UBE4A: variants seen among roughly 807,000 people sequenced by gnomAD.
The protein encoded by UBE4A is ubiquitin conjugation factor E4 A.
UBE4A carries 48 observed loss-of-function variants against 117.9 expected under a neutral mutation model. The observed-to-expected ratio is 0.41, with a 90% CI of 0.32 to 0.52. UBE4A has a LOEUF of 0.52. Ranked by LOEUF, UBE4A falls within the 20% of genes least tolerant of loss-of-function variation. UBE4A has a pLI of 0.33. For synonymous variants in UBE4A, 407 were observed against 450.0 expected (o/e 0.90, Z 1.21); for missense variants, 1,067 against 1,296.3 (o/e 0.82, Z 2.72).
intron 10 of UBE4A, 28 bp from the exon 11 acceptor site, chr11:118,379,418 C>A: frequency 6.3e-7 from 1 of 1,599,008 alleles, no homozygotes; most frequent in South Asian, 1.1e-5. Context: ...TTTCCCTGAC[C>A]CAGTCTCTTC....
rs370025001 is a variant in UBE4A at position 118,384,947 on chromosome 11, TA to T, written c.2412+23del. 0.19 allele frequency: 203,050 copies of T among 1,056,106 alleles called. 244 individuals carry two copies. Among genetic ancestry groups the T allele is most frequent in the Middle Eastern group, 0.23 (897 of 3,976 alleles). The allele number at this position is 1,056,106 out of a possible 1,614,324, so 65.4% of individuals were successfully genotyped here. ...TTCCTTTTGGATGAAGCCATACAGG[TA>T]AAAAAAAAAAAAAAAAAAAAGATTT... On this transcript the variant is annotated splice_donor_region_variant and intron_variant, in intron 15 of 19. Transcript: ENST00000252108.
In UBE4A at chr11:118,373,229, C is replaced by T. The variant is rs1392453974; in HGVS notation, c.865C>T (p.Leu289Phe). 1 of 1,613,632 alleles carries T rather than the reference C, an allele frequency of 6.2e-7. No homozygotes were observed. The highest frequency in any genetic ancestry group is 1.7e-5 in the Admixed American group (1 of 60,008). Residue 289 changes from leucine (L) to phenylalanine (F), a missense_variant, in exon 7 of 20, where the codon CTT becomes TTT. Around this residue, in one of 3 missense-constraint regions of UBE4A, gnomAD observed 1,001 missense variants for 1,184.0 expected, o/e 0.85. Transcript: ENST00000252108. ...AAAAGATCTAGAGCTCTGTCAGATC[C>T]TTTTGTATGCATATCTGGATATTCT... ...RIKDLELCQILLYAYLDILLY... is the reference protein window; with the variant it reads ...RIKDLELCQIFLYAYLDILLY...
intron 6 of UBE4A, 127 bp from the exon 7 acceptor site, chr11:118,372,959 G>T: frequency 5.3e-6 from 5 of 943,308 alleles, no homozygotes; most frequent in Non-Finnish European, 6.2e-6. Flanking sequence ...ACTCCAGGCT[G>T]AGCAAAAAAA....
intron 1 of UBE4A, among the ~76,000 whole-genome samples, chr11:118,361,937 G>C (rs543556881): frequency 6.6e-6 from 1 of 152,302 alleles, no homozygotes; most frequent in African/African-American, 2.4e-5. Flanking sequence ...AATCAGAAGA[G>C]CTTACAGCCT....
chr11:118,392,907 C>A lies in UBE4A; in HGVS notation c.3074+12C>A. On this transcript the variant is annotated intron_variant, in intron 19 of 19. Transcript: ENST00000252108. The stretch of plus-strand genomic sequence containing the variant: ...AGACATTTGCTCAGGTAGGCCAGTC[C>A]CAAAAACAGACTCAAGAGCATATAT... 6.2e-7 allele frequency: 1 copy of A among 1,610,704 alleles called. No homozygotes were observed. Among genetic ancestry groups the A allele is most frequent in the South Asian group, 1.1e-5 (1 of 90,544 alleles).
At chr11:118,395,026 T>C (rs183618657) in intron 19 of UBE4A, among the ~76,000 whole-genome samples, 112 of 152,192 alleles carry the variant, frequency 7.4e-4, no homozygotes, top group African/African-American at 2.7e-3. Context: ...AATTTTTAAA[T>C]ATTAAAAAGA....
Position 118,379,559 on chromosome 11 carries a change from A to G in UBE4A, c.1685A>G (p.Glu562Gly), listed in dbSNP as rs782329810. ...PAADNLREQF[E>G]RLMTIYLSTK... The stretch of plus-strand genomic sequence containing the variant: ...GCTGACAATCTTCGTGAGCAGTTTG[A>G]ACGACTGATGACCATCTATCTTTCT... The change falls in exon 11 of 20, where the codon GAA becomes GGA. Residue 562 changes from glutamate to glycine, a missense_variant. Around this residue, in one of 3 missense-constraint regions of UBE4A, gnomAD observed 1,001 missense variants for 1,184.0 expected, o/e 0.85. Coordinates refer to ENST00000252108, the MANE Select transcript of UBE4A (RefSeq NM_001204077.2). The G allele has an allele frequency of 6.2e-7, 1 of 1,614,242 alleles. No homozygotes were observed. Among genetic ancestry groups the G allele is most frequent in the South Asian group, 1.1e-5 (1 of 91,086 alleles).
chr11:118,394,417 C>T (rs1300369820), intron 19 of UBE4A, among the ~76,000 whole-genome samples: 6 of 152,194 alleles, frequency 3.9e-5, no homozygotes, highest in African/African-American at 1.4e-4. Context: ...TCACATCAGC[C>T]TCCCAAAGTG....
rs1331544731 is a variant in UBE4A, at chr11:118,386,593, C to T, written c.2568C>T (p.Thr856=). 4 of 1,575,786 alleles carry T rather than the reference C, an allele frequency of 2.5e-6. No individual in the cohort carries two copies. The highest frequency in any genetic ancestry group is 3.4e-6 in the Non-Finnish European group (4 of 1,165,740). The part of the protein sequence containing the change: ...HNIMSNETIG[T]LAFLTSEIKS... ...TCATGTCCAATGAAACAATCGGTAC[C>T]CTTGCCTTTCTCACATCAGGTAAGG... Residue 856 remains threonine, a synonymous_variant, in exon 16 of 20, where the codon ACC becomes ACT. Transcript: ENST00000252108.
In UBE4A at chr11:118,396,448, G is replaced by C; in HGVS notation, c.*8G>C. 1 of 1,610,898 alleles carries C rather than the reference G, an allele frequency of 6.2e-7. No individual in the cohort carries two copies. Among genetic ancestry groups the C allele is most frequent in the Non-Finnish European group, 8.5e-7 (1 of 1,178,500 alleles). ...AAGGAGCAACTTGAATAGATACTGT[G>C]AACTAACCAAACCAAAACCAACCCC... On this transcript the variant is annotated 3_prime_UTR_variant, in exon 20 of 20. Transcript: ENST00000252108.
intron 19 of UBE4A, 43 bp downstream of exon 19, chr11:118,392,938 T>C (rs1555128871): frequency 1.9e-6 from 3 of 1,580,238 alleles, no homozygotes; most frequent in East Asian, 2.3e-5. Flanking sequence ...TATATATATA[T>C]TAGTTTGCTA....
chr11:118,380,144 T>C (rs782401476), intron 11 of UBE4A, among the ~76,000 whole-genome samples: 13 of 88,948 alleles, frequency 1.5e-4, no homozygotes, highest in East Asian at 1.8e-3. Flanking sequence ...CGTGTGTGTG[T>C]GTGTGTGTGT....
intron 1 of UBE4A, among the ~76,000 whole-genome samples, chr11:118,361,562 AG>A (rs1436304680): frequency 2.0e-5 from 3 of 152,296 alleles, no homozygotes; most frequent in South Asian, 4.1e-4. Context: ...AATGAAAAAA[AG>A]TTTGTGCACA....
rs578130132 is a variant in UBE4A at position 118,398,842 on chromosome 11, A to G, written c.*2402A>G. ...AATGGATATGTGAAAACTGAAGGAA[A>G]TGTTAAAGGTTTTTTAATGGTGCAA... On this transcript the variant is annotated 3_prime_UTR_variant, in exon 20 of 20. Coordinates refer to ENST00000252108, the MANE Select transcript of UBE4A (RefSeq NM_001204077.2). The G allele has an allele frequency of 2.1e-3, 382 of 181,074 alleles. 10 individuals carry two copies. The South Asian group carries it at 0.031, about 15-fold the overall frequency. 11.2% of individuals were successfully genotyped at this position (181,074 alleles called of 1,614,324 possible).
intron 10 of UBE4A, among the ~76,000 whole-genome samples, chr11:118,379,205 A>C (rs1555125852): frequency 6.6e-6 from 1 of 152,228 alleles, no homozygotes; most frequent in African/African-American, 2.4e-5. Flanking sequence ...TGGATAGTGC[A>C]TTTCAACTGA....
chr11:118,372,449 A>G (rs997934768), intron 5 of UBE4A, 58 bp from the exon 6 acceptor site: 4 of 1,528,568 alleles, frequency 2.6e-6, no homozygotes, highest in African/African-American at 2.8e-5. Flanking sequence ...CACTATGTCT[A>G]CTTTCGTTCC....
intron 4 of UBE4A, among the ~76,000 whole-genome samples, chr11:118,371,255 C>G (rs935641858): frequency 6.6e-6 from 1 of 152,148 alleles, no homozygotes; most frequent in East Asian, 1.9e-4. Context: ...CAGCACCATT[C>G]AACAAATAGT....
At chr11:118,387,506 A>C (rs1948770590) in intron 16 of UBE4A, among the ~76,000 whole-genome samples, 1 of 152,180 alleles carries the variant, frequency 6.6e-6, no homozygotes, top group African/African-American at 2.4e-5. Flanking sequence ...AAAAGGATGG[A>C]TCTAGGAAGT....
intron 1 of UBE4A, among the ~76,000 whole-genome samples, chr11:118,364,643 G>T (rs17613576): frequency 0.075 from 11,445 of 151,958 alleles, 675 homozygotes; most frequent in Middle Eastern, 0.16. Flanking sequence ...CTTAATTCTT[G>T]GGAAATCCAT....
Sources: allele counts gnomAD v4.1 joint callset (sites outside exome capture counted in the v4.1 genomes callset), GRCh38; gene constraint gnomAD v4.1.1; regional missense constraint gnomAD v4.1.1; transcripts MANE v1.5; gene names NCBI Gene and HGNC (gene_info 2026-07-23, HGNC 2026-07-21).